BIRC6: variants seen among roughly 807,000 people sequenced by gnomAD.
BIRC6 encodes dual E2 ubiquitin-conjugating enzyme/E3 ubiquitin-protein ligase BIRC6.
BIRC6 carries 98 observed loss-of-function variants against 503.3 expected under a neutral mutation model. The observed-to-expected ratio is 0.19, with a 90% CI of 0.17 to 0.23. The LOEUF (loss-of-function observed/expected upper bound fraction) is 0.23. Ranked by LOEUF, BIRC6 falls within the 10% of genes least tolerant of loss-of-function variation. The probability of loss-of-function intolerance (pLI) is 1.00; values close to 1 mark genes in which losing one functional copy is unlikely to be tolerated. For missense variants in BIRC6, 5,360 were observed against 5,806.0 expected (o/e 0.92, Z 2.50); for synonymous variants, 2,240 against 2,078.7 (o/e 1.08, Z -2.11).
chr2:32,478,437 T>G (rs538634591), intron 35 of BIRC6, among the ~76,000 whole-genome samples, 198 bp from the exon 36 acceptor site: 1 of 152,356 alleles, frequency 6.6e-6, no homozygotes, highest in East Asian at 1.9e-4. Flanking sequence ...AATTAGATCT[T>G]AAACCAGATT....
chr2:32,617,737 C>A lies in BIRC6; in HGVS notation c.14407C>A (p.Gln4803Lys). 6.8e-6 allele frequency: 11 copies of A among 1,613,868 alleles called. No individual in the cohort carries two copies. The highest frequency in any genetic ancestry group is 9.3e-6 in the Non-Finnish European group (11 of 1,179,834). Residue 4803 changes from glutamine (Q) to lysine (K), a missense_variant, in exon 74 of 74, where the codon CAG (glutamine) becomes AAG (lysine). Coordinates refer to ENST00000421745, the MANE Select transcript of BIRC6 (RefSeq NM_016252.4). ...HAAALKRHTA[Q>K]LREELLKLPC... ...TTCTCCTGCATAGCGTCACACTGCT[C>A]AGCTCCGCGAAGAGTTGCTGAAACT...
chr2:32,453,437 G>A (rs1172263268), intron 22 of BIRC6, among the ~76,000 whole-genome samples: 1 of 152,172 alleles, frequency 6.6e-6, no homozygotes, highest in Non-Finnish European at 1.5e-5. Flanking sequence ...CAGATTAGGT[G>A]ATAGCTAATG....
chr2:32,436,254 A>T, intron 15 of BIRC6, 70 bp downstream of exon 15: 1 of 1,242,324 alleles, frequency 8.0e-7, no homozygotes, highest in Non-Finnish European at 1.0e-6. Flanking sequence ...AAAAAAACTG[A>T]TCTCAAAAAA....
chr2:32,390,356 C>T lies in BIRC6; in HGVS notation c.839+1413C>T, dbSNP rs1470253025. Among the ~76,000 whole-genome samples the T allele has an allele frequency of 7.2e-5, 11 of 151,730 alleles. No individual in the cohort carries two copies. In the East Asian group the frequency reaches 2.1e-3, roughly 30 times the overall value. ...CAGCTAATTTTTTGTATTTTTAGTA[C>T]AGGTGGGGTTTCACCGTGTTAGCCA... On this transcript the variant is annotated intron_variant, in intron 4 of 73. Coordinates refer to ENST00000421745, the MANE Select transcript of BIRC6 (RefSeq NM_016252.4).
At chr2:32,383,215 T>A (rs1174282204) in intron 3 of BIRC6, among the ~76,000 whole-genome samples, 1 of 151,320 alleles carries the variant, frequency 6.6e-6, no homozygotes, top group African/African-American at 2.4e-5. Context: ...CCTGGCTAAC[T>A]TTTGTATTTT....
chr2:32,406,621 C>A (rs991105102), intron 9 of BIRC6, 64 bp downstream of exon 9: 63 of 1,101,112 alleles, frequency 5.7e-5, no homozygotes, highest in Non-Finnish European at 8.2e-5. Flanking sequence ...ATACAGCTAA[C>A]TACCACTTAA....
rs2058273445 is a variant in BIRC6, at chr2:32,549,237, A to G, written c.12976-76A>G. ...GAAAATATGTACTCTTAGTATTCAG[A>G]TTGAATTTCTAACCTACAATAAAAA... On this transcript the variant is annotated intron_variant, in intron 64 of 73. Transcript: ENST00000421745. 4.7e-6 allele frequency: 5 copies of G among 1,070,650 alleles called. No homozygotes were observed. In the South Asian group the frequency reaches 8.6e-5, roughly 18 times the overall value. The allele number at this position is 1,070,650 out of a possible 1,614,324, so 66.3% of individuals were successfully genotyped here.
At chr2:32,358,885 T>C (rs1288458038) in intron 1 of BIRC6, among the ~76,000 whole-genome samples, 3 of 152,206 alleles carry the variant, frequency 2.0e-5, no homozygotes, top group African/African-American at 7.2e-5. Context: ...CAGTGAACAG[T>C]TACTGCAACT....
chr2:32,431,920 G>A (rs1002294056), intron 12 of BIRC6, among the ~76,000 whole-genome samples: 3 of 152,224 alleles, frequency 2.0e-5, no homozygotes, highest in Non-Finnish European at 2.9e-5. Flanking sequence ...ATAGGAAATT[G>A]CATGTAAGAG....
At chr2:32,563,310 G>A (rs549598116) in intron 65 of BIRC6, 12 of 152,090 alleles carry the variant, frequency 7.9e-5, no homozygotes, top group African/African-American at 2.9e-4. Context: ...CAAATATTTC[G>A]ATGTAGACAG....
At chr2:32,553,885 C>G (rs2058609069) in intron 65 of BIRC6, among the ~76,000 whole-genome samples, 1 of 152,066 alleles carries the variant, frequency 6.6e-6, no homozygotes, top group Non-Finnish European at 1.5e-5. Context: ...TGTTAGTGTT[C>G]TAGATAGGAA....
intron 39 of BIRC6, among the ~76,000 whole-genome samples, chr2:32,483,749 C>T (rs144841730): frequency 1.9e-3 from 287 of 152,230 alleles, no homozygotes; most frequent in Non-Finnish European, 3.5e-3. Context: ...ATGCTATTTC[C>T]TTGTGAATAG....
At chr2:32,570,413 G>C (rs1317133624) in intron 65 of BIRC6, among the ~76,000 whole-genome samples, 3 of 149,844 alleles carry the variant, frequency 2.0e-5, no homozygotes, top group Admixed American at 6.7e-5. Context: ...CGAACTCCTT[G>C]CCTCAAGCAA....
Position 32,469,401 on chromosome 2 carries a change from C to A in BIRC6, c.6134C>A (p.Ser2045Tyr). The A allele has an allele frequency of 1.2e-6, 2 of 1,612,242 alleles. No homozygotes were observed. The highest frequency in any genetic ancestry group is 1.7e-6 in the Non-Finnish European group (2 of 1,179,174). ...LSLLHASNGHSVPAVLQSTFH... is the reference protein window; with the variant it reads ...LSLLHASNGHYVPAVLQSTFH... ...GTTTTCTTTCTTGTAATAGGACACT[C>A]TGTTCCTGCAGTTTTGCAGAGCACA... is the stretch of plus-strand genomic sequence containing the variant. Residue 2045 changes from serine to tyrosine, a missense_variant, in exon 30 of 74, where the codon TCT becomes TAT. Physicochemically the swap from Ser to Tyr is moderately radical, Grantham distance 144. Transcript: ENST00000421745.
At chr2:32,495,381 C>T (rs192872485) in intron 45 of BIRC6, among the ~76,000 whole-genome samples, 176 of 152,046 alleles carry the variant, frequency 1.2e-3, no homozygotes, top group Non-Finnish European at 2.0e-3. Flanking sequence ...AAGCTGTGGC[C>T]CAAGAAGAAT....
rs1229821480 is a variant in BIRC6, at chr2:32,503,864, C to T, written c.9499+628C>T. 2.6e-5 allele frequency among the ~76,000 whole-genome samples: 4 copies of T among 152,122 alleles called. No individual in the cohort carries two copies. The East Asian group carries it at 5.8e-4, about 22-fold the overall frequency. ...GTTAATCAATTTTAAATCTCATTTT[C>T]CTTCTTAAAGTGGTGCTGTGTTTTG... On this transcript the variant is annotated intron_variant, in intron 49 of 73. Transcript: ENST00000421745.
chr2:32,453,678 C>G (rs565998752), intron 22 of BIRC6, 130 bp from the exon 23 acceptor site: 2 of 855,478 alleles, frequency 2.3e-6, no homozygotes, highest in Non-Finnish European at 3.6e-6. Context: ...GCCCATGATT[C>G]AAGCACTGTG....
Position 32,529,734 on chromosome 2 carries a change from A to G in BIRC6, c.12004A>G (p.Ile4002Val), listed in dbSNP as rs779780073. ...AAAACTTCCTCAGGGTTACCGCTCA[A>G]TAGATCTGACTGTTAAATTGGGATC... ...DRKLPQGYRS[I>V]DLTVKLGSRV... is the part of the protein sequence containing the mutation. The change falls in exon 60 of 74, where the codon ATA becomes GTA. Residue 4002 changes from isoleucine (I) to valine (V), a missense_variant. Physicochemically the swap from Ile to Val is conservative, Grantham distance 29. Transcript: ENST00000421745. 8 of 1,613,794 alleles carry G rather than the reference A, an allele frequency of 5.0e-6. No homozygotes were observed. The highest frequency in any genetic ancestry group is 5.1e-6 in the Non-Finnish European group (6 of 1,179,752).
rs768566974 is a variant in BIRC6, at chr2:32,415,857, A to G, written c.2566A>G (p.Ile856Val). ...IQHIKDPQDT[I>V]TSLILLPPDI... Reference sequence around the variant, plus strand: ...ACATATCAAAGATCCCCAGGACACAATTACCTCGCTCATTTTGCTTCCACC... The same window carrying G: ...ACATATCAAAGATCCCCAGGACACAGTTACCTCGCTCATTTTGCTTCCACC... The change falls in exon 10 of 74, where the codon ATT becomes GTT. Residue 856 changes from isoleucine to valine, a missense_variant. This residue lies in a region of BIRC6 where 700 missense variants were observed against 739.3 expected (regional missense o/e 0.95). Transcript: ENST00000421745. The G allele has an allele frequency of 6.2e-6, 10 of 1,613,942 alleles. No individual in the cohort carries two copies. The highest frequency in any genetic ancestry group is 1.1e-5 in the South Asian group (1 of 91,080).
Sources: allele counts gnomAD v4.1 joint callset (sites outside exome capture counted in the v4.1 genomes callset), GRCh38; gene constraint gnomAD v4.1.1; regional missense constraint gnomAD v4.1.1; transcripts MANE v1.5; gene names NCBI Gene and HGNC (gene_info 2026-07-23, HGNC 2026-07-21).